EPB41L5: variants seen among roughly 807,000 people sequenced by gnomAD.
The protein encoded by EPB41L5 is band 4.1-like protein 5.
In EPB41L5, 55 loss-of-function variants were observed where a neutral mutation model predicts 106.6. The ratio of observed to expected loss-of-function variants is 0.52; its 90% CI spans 0.42 to 0.65. The LOEUF (loss-of-function observed/expected upper bound fraction) is 0.65. EPB41L5 is among the 30% of genes least tolerant of loss of function. The pLI, the probability that EPB41L5 is intolerant of heterozygous loss-of-function variation, is 0.00. For missense variants in EPB41L5, 871 were observed against 882.1 expected (o/e 0.99, Z 0.16); for synonymous variants, 297 against 306.7 (o/e 0.97, Z 0.33).
At chr2:120,121,953 G>A (rs1352601068) in intron 16 of EPB41L5, among the ~76,000 whole-genome samples, 1 of 152,296 alleles carries the variant, frequency 6.6e-6, no homozygotes, top group South Asian at 2.1e-4. Context: ...TTTTTCATGT[G>A]TCTGTTGGCT....
At chr2:120,030,697 G>GCGTC (rs1553490410) in intron 2 of EPB41L5, among the ~76,000 whole-genome samples, 3 of 151,390 alleles carry the variant, frequency 2.0e-5, no homozygotes, top group East Asian at 1.9e-4. Flanking sequence ...AGGATTACAG[G>GCGTC]CACATGCCAC....
intron 10 of EPB41L5, among the ~76,000 whole-genome samples, chr2:120,081,627 T>G (rs1289187375): frequency 6.6e-6 from 1 of 152,186 alleles, no homozygotes; most frequent in East Asian, 1.9e-4. Context: ...TTAAAGTAGT[T>G]TTTTCCAATT....
chr2:120,094,456 A>T (rs1258282881), intron 14 of EPB41L5, among the ~76,000 whole-genome samples: 1 of 138,518 alleles, frequency 7.2e-6, no homozygotes, highest in African/African-American at 2.8e-5. Context: ...TCTGATTTTT[A>T]GTATTTTGAG....
intron 16 of EPB41L5, among the ~76,000 whole-genome samples, chr2:120,113,162 G>C (rs190872453): frequency 6.6e-6 from 1 of 152,214 alleles, no homozygotes; most frequent in Non-Finnish European, 1.5e-5. Context: ...GAGGATATCA[G>C]TGACACTGTT....
chr2:120,171,525 T>C (rs1687672154), intron 24 of EPB41L5, among the ~76,000 whole-genome samples: 1 of 152,234 alleles, frequency 6.6e-6, no homozygotes, highest in South Asian at 2.1e-4. Context: ...ACGGGAAGAC[T>C]AACTCAAAGT....
chr2:120,050,991 A>G (rs568759524), intron 3 of EPB41L5, among the ~76,000 whole-genome samples: 64 of 152,278 alleles, frequency 4.2e-4, no homozygotes, highest in African/African-American at 1.4e-3. Context: ...TGAACAGCAA[A>G]TGTTGCTGCC....
chr2:120,141,463 A>G (rs1037272334), intron 18 of EPB41L5, among the ~76,000 whole-genome samples: 3 of 152,168 alleles, frequency 2.0e-5, no homozygotes, highest in African/African-American at 4.8e-5. Flanking sequence ...TTGACAAATC[A>G]TAAGTACAGG....
chr2:120,141,819 T>G (rs1686185541), intron 18 of EPB41L5, among the ~76,000 whole-genome samples: 1 of 152,098 alleles, frequency 6.6e-6, no homozygotes, highest in South Asian at 2.1e-4. Flanking sequence ...GTGACTTGCT[T>G]TTTAATGGCC....
At chr2:120,014,372 C>T (rs979388822) in intron 1 of EPB41L5, among the ~76,000 whole-genome samples, 2 of 152,136 alleles carry the variant, frequency 1.3e-5, no homozygotes, top group African/African-American at 4.8e-5. Flanking sequence ...CCAAAAATTC[C>T]ACTGTGTCAT....
chr2:120,172,009 TA>T lies in EPB41L5; in HGVS notation c.2136-2819del, dbSNP rs753429042. 6.6e-3 allele frequency among the ~76,000 whole-genome samples: 723 copies of T among 108,944 alleles called. 2 individuals carry two copies. Among genetic ancestry groups the T allele is most frequent in the East Asian group, 0.01 (36 of 3,570 alleles). 71.5% of individuals were successfully genotyped at this position (108,944 alleles called of 152,430 possible). On this transcript the variant is annotated intron_variant, in intron 24 of 24. Coordinates refer to ENST00000263713, the MANE Select transcript of EPB41L5 (RefSeq NM_020909.4). ...ATCCATGCAACAATAACAGGAAACT[TA>T]AAAAAAAAAAAAGGAAAACAAGCAT...
rs576899936 is a variant in EPB41L5 at position 120,098,297 on chromosome 2, C to G, written c.1179-1947C>G. 5.7e-4 allele frequency among the ~76,000 whole-genome samples: 86 copies of G among 152,002 alleles called. No homozygotes were observed. In the South Asian group the frequency reaches 0.017, roughly 30 times the overall value. On this transcript the variant is annotated intron_variant, in intron 14 of 24. Transcript: ENST00000263713. Reference sequence around the variant, plus strand: ...TCATCATGGCTCACTGTAGCCTCAACCTCCTGGGATCAGGCAGTCCTCCTG... The same window carrying G: ...TCATCATGGCTCACTGTAGCCTCAAGCTCCTGGGATCAGGCAGTCCTCCTG...
chr2:120,129,311 G>C (rs1685595406), intron 17 of EPB41L5, among the ~76,000 whole-genome samples: 1 of 150,430 alleles, frequency 6.6e-6, no homozygotes, highest in Non-Finnish European at 1.5e-5. Context: ...GCTCCAGCCT[G>C]GGCCACAGAG....
intron 3 of EPB41L5, among the ~76,000 whole-genome samples, chr2:120,071,175 G>A (rs987870188): frequency 6.6e-6 from 1 of 152,106 alleles, no homozygotes; most frequent in Non-Finnish European, 1.5e-5. Flanking sequence ...AAAATCACAA[G>A]CATTCCTATA....
chr2:120,155,873 C>T (rs1686878921), intron 20 of EPB41L5, among the ~76,000 whole-genome samples: 2 of 151,944 alleles, frequency 1.3e-5, no homozygotes, highest in Admixed American at 1.3e-4. Context: ...TTGCTTCCGG[C>T]CCCCAGCGAC....
chr2:120,062,570 T>C (rs1681156504), intron 3 of EPB41L5, among the ~76,000 whole-genome samples: 1 of 152,200 alleles, frequency 6.6e-6, no homozygotes, highest in Admixed American at 6.5e-5. Context: ...ATTAAACTTA[T>C]CAGTGTATGA....
intron 17 of EPB41L5, 125 bp from the exon 18 acceptor site, chr2:120,131,493 C>G: frequency 3.2e-6 from 2 of 630,652 alleles, no homozygotes; most frequent in Non-Finnish European, 5.8e-6. Context: ...TTGTGTTTAT[C>G]TGGATTATTA....
rs1451364297 is a variant in EPB41L5 at position 120,177,187 on chromosome 2, TGAGGTG to T, written c.*2282_*2287del. The T allele has an allele frequency of 2.6e-5, 4 of 152,418 alleles. No homozygotes were observed. Among genetic ancestry groups the T allele is most frequent in the African/African-American group, 9.6e-5 (4 of 41,520 alleles). The allele number at this position is 152,418 out of a possible 1,614,324, so 9.4% of individuals were successfully genotyped here. A position where few individuals can be genotyped will look rare whatever the true frequency, so the allele number is the denominator to read the frequency against. On this transcript the variant is annotated 3_prime_UTR_variant, in exon 25 of 25. Transcript: ENST00000263713. ...ACAGTGTGGTGGGGAGAGGCAGGGC[TGAGGTG>T]GTCTACGAATGTGGCAGGTAGGGAA...
intron 20 of EPB41L5, among the ~76,000 whole-genome samples, chr2:120,151,303 A>AAATAAT (rs758794816): frequency 6.6e-6 from 1 of 151,948 alleles, no homozygotes; most frequent in African/African-American, 2.4e-5. Flanking sequence ...CCATCTCAAA[A>AAATAAT]AATAATAATA....
At chr2:120,029,496 G>A (rs1162330154) in intron 2 of EPB41L5, among the ~76,000 whole-genome samples, 3 of 152,150 alleles carry the variant, frequency 2.0e-5, no homozygotes, top group Non-Finnish European at 4.4e-5. Flanking sequence ...ATATACATAG[G>A]TAGAGATGGG....
Sources: gnomAD v4.1 joint callset for allele counts (sites outside exome capture counted in the v4.1 genomes callset) on GRCh38, gnomAD v4.1.1 for gene constraint, MANE v1.5 for transcripts, NCBI Gene and HGNC (gene_info 2026-07-23, HGNC 2026-07-21) for gene names.